PDSS2: variants seen among roughly 807,000 people sequenced by gnomAD.
The protein encoded by PDSS2 is all trans-polyprenyl-diphosphate synthase PDSS2.
In PDSS2, 31 loss-of-function variants were observed where a neutral mutation model predicts 44.5. The ratio of observed to expected loss-of-function variants is 0.70; its 90% confidence interval spans 0.52 to 0.94. PDSS2 has a LOEUF of 0.94. Among genes scored for constraint, PDSS2 ranks in the 40% least tolerant of loss-of-function variants. The probability of loss-of-function intolerance (pLI) is 0.00; values close to 1 mark genes in which losing one functional copy is unlikely to be tolerated. For synonymous variants in PDSS2, 157 were observed against 180.3 expected (o/e 0.87, Z 1.03); for missense variants, 452 against 482.2 (o/e 0.94, Z 0.59).
At chr6:107,208,974 C>T (rs1773106624) in intron 6 of PDSS2, among the ~76,000 whole-genome samples, 1 of 151,346 alleles carries the variant, frequency 6.6e-6, no homozygotes, top group South Asian at 2.1e-4. Context: ...GAGATTTTTT[C>T]ATTTGTATCT....
intron 2 of PDSS2, among the ~76,000 whole-genome samples, chr6:107,285,302 GC>G (rs1188072331): frequency 6.6e-6 from 1 of 152,062 alleles, no homozygotes; most frequent in Admixed American, 6.6e-5. Context: ...AAATAAGAGG[GC>G]TGCCGTTCTA....
chr6:107,169,112 A>G (rs2114358005), intron 7 of PDSS2, among the ~76,000 whole-genome samples: 1 of 151,364 alleles, frequency 6.6e-6, no homozygotes, highest in South Asian at 2.1e-4. Context: ...TTTCAGGTAC[A>G]CCAATCAGAC....
intron 1 of PDSS2, among the ~76,000 whole-genome samples, chr6:107,454,488 A>G (rs1781972579): frequency 6.6e-6 from 1 of 152,240 alleles, no homozygotes; most frequent in Non-Finnish European, 1.5e-5. Context: ...ATTCCTAGTA[A>G]CAGAATCATT....
chr6:107,350,334 G>C (rs1485069517), intron 1 of PDSS2, among the ~76,000 whole-genome samples: 1 of 151,956 alleles, frequency 6.6e-6, no homozygotes, highest in Non-Finnish European at 1.5e-5. Flanking sequence ...AACGTTGGTG[G>C]GTACTTACAA....
intron 1 of PDSS2, among the ~76,000 whole-genome samples, chr6:107,341,763 G>T (rs185872231): frequency 1.3e-5 from 2 of 152,240 alleles, no homozygotes. Context: ...TCTTCCATGG[G>T]CTTTCATGGA....
chr6:107,374,200 G>A (rs2114406883), intron 1 of PDSS2, among the ~76,000 whole-genome samples: 1 of 142,024 alleles, frequency 7.0e-6, no homozygotes. Flanking sequence ...GTTGCAGTGA[G>A]CCGAGATTGC....
chr6:107,292,730 ACAC>A (rs1438070224), intron 2 of PDSS2, among the ~76,000 whole-genome samples: 3 of 152,306 alleles, frequency 2.0e-5, no homozygotes, highest in Admixed American at 1.3e-4. Flanking sequence ...GATACTGTCA[ACAC>A]ATAATTATCC....
intron 1 of PDSS2, among the ~76,000 whole-genome samples, chr6:107,411,032 G>A (rs1171774030): frequency 2.0e-5 from 3 of 151,898 alleles, no homozygotes; most frequent in Non-Finnish European, 4.4e-5. Context: ...TTACAGGCAC[G>A]TGCTACCATG....
At chr6:107,218,501 C>T (rs138153034) in intron 4 of PDSS2, among the ~76,000 whole-genome samples, 19 of 152,298 alleles carry the variant, frequency 1.2e-4, no homozygotes, top group Admixed American at 9.8e-4. Flanking sequence ...CCTTACCTTG[C>T]GTTAAACCTT....
intron 2 of PDSS2, among the ~76,000 whole-genome samples, chr6:107,315,676 A>C (rs1777177273): frequency 6.6e-6 from 1 of 152,236 alleles, no homozygotes; most frequent in African/African-American, 2.4e-5. Flanking sequence ...TTGGACAGGA[A>C]ACCAAATGAT....
intron 7 of PDSS2, among the ~76,000 whole-genome samples, chr6:107,164,183 A>G (rs1554247170): frequency 6.6e-6 from 1 of 150,732 alleles, no homozygotes; most frequent in African/African-American, 2.5e-5. Flanking sequence ...TTTTTTAATT[A>G]TACTTTAAGT....
At chr6:107,294,358 A>T (rs1485717602) in intron 2 of PDSS2, among the ~76,000 whole-genome samples, 1 of 152,076 alleles carries the variant, frequency 6.6e-6, no homozygotes, top group Non-Finnish European at 1.5e-5. Context: ...CAAATACTTC[A>T]CCAAGTATTT....
At chr6:107,425,124 C>T (rs1042887587) in intron 1 of PDSS2, among the ~76,000 whole-genome samples, 3 of 152,150 alleles carry the variant, frequency 2.0e-5, no homozygotes, top group African/African-American at 7.2e-5. Flanking sequence ...ATTGTGAGTC[C>T]TCCCCAGCCA....
At chr6:107,457,775 A>G (rs1782092202) in intron 1 of PDSS2, among the ~76,000 whole-genome samples, 1 of 152,246 alleles carries the variant, frequency 6.6e-6, no homozygotes, top group Non-Finnish European at 1.5e-5. Flanking sequence ...AGAATGCTAT[A>G]AAGAACATTA....
chr6:107,207,978 GTTTTTT>G (rs756043067), intron 6 of PDSS2, among the ~76,000 whole-genome samples: 3 of 67,560 alleles, frequency 4.4e-5, no homozygotes, highest in Non-Finnish European at 7.9e-5. Context: ...TCTATGACTT[GTTTTTT>G]TTTTTTTTTT....
chr6:107,274,175 G>A lies in PDSS2; in HGVS notation c.484C>T (p.His162Tyr), dbSNP rs1358413173. 7 of 1,613,854 alleles carry A rather than the reference G, an allele frequency of 4.3e-6. No individual in the cohort carries two copies. The highest frequency in any genetic ancestry group is 2.2e-5 in the East Asian group (1 of 44,886). The change falls in exon 3 of 8, where the codon CAT becomes TAT. Residue 162 changes from histidine to tyrosine, a missense_variant. Transcript: ENST00000369037. ...TCATTTAAATTTACTATCCCACGAT[G>A]TACAAGGAGAGCAATATGAATTAGC... ...TELIHIALLV[H>Y]RGIVNLNELQ... is the part of the protein sequence containing the mutation.
chr6:107,362,160 C>T (rs1582990622), intron 1 of PDSS2, among the ~76,000 whole-genome samples: 1 of 152,198 alleles, frequency 6.6e-6, no homozygotes, highest in Non-Finnish European at 1.5e-5. Context: ...CACATATTTA[C>T]GGTTGACCAG....
chr6:107,183,449 G>A (rs537130449), intron 7 of PDSS2, among the ~76,000 whole-genome samples: 2 of 152,274 alleles, frequency 1.3e-5, no homozygotes, highest in East Asian at 1.9e-4. Flanking sequence ...TGTAATCTCA[G>A]TACTTTGGGA....
rs60988844 is a variant in PDSS2, at chr6:107,227,278, C to CTTTTTTTTTTTTTT, written c.703-15010_703-14997dup. 2.3e-3 allele frequency among the ~76,000 whole-genome samples: 234 copies of CTTTTTTTTTTTTTT among 102,756 alleles called. 13 individuals carry two copies. The highest frequency in any genetic ancestry group is 4.6e-3 in the East Asian group (17 of 3,676). The allele number at this position is 102,756 out of a possible 152,430, so 67.4% of individuals were successfully genotyped here. ...GATTATAGGTGTAAGCCACTGTGCC[C>CTTTTTTTTTTTTTT]TTTTTTTTTTTTTTTTTTTTTTTTT... is the stretch of plus-strand genomic sequence containing the variant. On this transcript the variant is annotated intron_variant, in intron 4 of 7. Transcript: ENST00000369037.
Sources: gnomAD v4.1 joint callset for allele counts (sites outside exome capture counted in the v4.1 genomes callset) on GRCh38, gnomAD v4.1.1 for gene constraint, MANE v1.5 for transcripts, NCBI Gene and HGNC (gene_info 2026-07-23, HGNC 2026-07-21) for gene names.